The following LEP variants were observed in gnomAD, a reference collection of about 807,000 sequenced individuals.
LEP encodes the protein leptin.
LEP carries 6 observed loss-of-function variants against 9.8 expected under a neutral mutation model. The ratio of observed to expected loss-of-function variants is 0.61; its 90% CI spans 0.34 to 1.21. The LOEUF is 1.21. LEP is among the 50% of genes most tolerant of loss of function. The probability of loss-of-function intolerance (pLI) is 0.04; values close to 1 mark genes in which losing one functional copy is unlikely to be tolerated. For synonymous variants in LEP, 112 were observed against 81.7 expected, an observed-to-expected ratio of 1.37 and a Z score of -2.00; for missense variants, 134 against 198.1, an observed-to-expected ratio of 0.68 and a Z score of 1.94.
chr7:128,250,533 G>C (rs1795261716), intron 1 of LEP, among the ~76,000 whole-genome samples: 1 of 152,022 alleles, frequency 6.6e-6, no homozygotes, highest in African/African-American at 2.4e-5. Flanking sequence ...ACTCTGTCAT[G>C]GACCTGTTTG....
chr7:128,254,820 C>T lies in LEP; in HGVS notation c.*57C>T, dbSNP rs1795318328. The T allele has an allele frequency of 2.1e-5, 33 of 1,577,344 alleles. No individual in the cohort carries two copies. Among genetic ancestry groups the T allele is most frequent in the Non-Finnish European group, 2.8e-5 (33 of 1,163,174 alleles). The stretch of plus-strand genomic sequence containing the variant: ...ACGTTAAGGGAAGGAACTCTGGCTT[C>T]CAGGTATCTCCAGGATTGAAGAGCA... On this transcript the variant is annotated 3_prime_UTR_variant, in exon 3 of 3. Coordinates refer to ENST00000308868, the MANE Select transcript of LEP (RefSeq NM_000230.3).
At chr7:128,244,788 G>C (rs1238411626) in intron 1 of LEP, among the ~76,000 whole-genome samples, 4 of 152,180 alleles carry the variant, frequency 2.6e-5, no homozygotes, top group East Asian at 1.9e-4. Context: ...TCTCTCAGCT[G>C]TTCCATGCAT....
chr7:128,244,883 A>G (rs974352311), intron 1 of LEP, among the ~76,000 whole-genome samples: 1 of 152,134 alleles, frequency 6.6e-6, no homozygotes, highest in Non-Finnish European at 1.5e-5. Context: ...CTAAATTCCT[A>G]AGAGAGAAGT....
At chr7:128,241,797 G>A (rs578230598) in intron 1 of LEP, among the ~76,000 whole-genome samples, 2 of 152,340 alleles carry the variant, frequency 1.3e-5, no homozygotes, top group South Asian at 4.1e-4. Flanking sequence ...GAATGAGAGG[G>A]GCTGTGTAAG....
At chr7:128,242,851 G>A (rs1795167713) in intron 1 of LEP, among the ~76,000 whole-genome samples, 1 of 152,178 alleles carries the variant, frequency 6.6e-6, no homozygotes, top group Non-Finnish European at 1.5e-5. Context: ...CGGAACCTGG[G>A]TCAATGTCCC....
At chr7:128,242,996 G>C (rs112734810) in intron 1 of LEP, among the ~76,000 whole-genome samples, 1 of 152,202 alleles carries the variant, frequency 6.6e-6, no homozygotes, top group African/African-American at 2.4e-5. Flanking sequence ...CAAATTTTCC[G>C]GCAGTCAGTT....
intron 1 of LEP, among the ~76,000 whole-genome samples, chr7:128,247,611 C>A (rs1332659633): frequency 1.3e-5 from 2 of 152,186 alleles, no homozygotes; most frequent in Non-Finnish European, 2.9e-5. Flanking sequence ...CTCTCCTCCA[C>A]CTTCACAAAC....
intron 1 of LEP, among the ~76,000 whole-genome samples, chr7:128,242,550 A>G (rs1016747733): frequency 6.6e-6 from 1 of 152,190 alleles, no homozygotes; most frequent in African/African-American, 2.4e-5. Context: ...GCAAGAGAGA[A>G]ACAGTGGATG....
At chr7:128,253,712 A>G (rs551708702) in intron 2 of LEP, among the ~76,000 whole-genome samples, 2 of 152,342 alleles carry the variant, frequency 1.3e-5, no homozygotes, top group African/African-American at 4.8e-5. Flanking sequence ...GGCATTTTAT[A>G]GATAAAAACT....
At chr7:128,251,874 C>G in intron 1 of LEP, 117 bp from the exon 2 acceptor site, 1 of 816,632 alleles carries the variant, frequency 1.2e-6, no homozygotes, top group South Asian at 1.4e-5. Context: ...GGGATGGTAG[C>G]CAGAGCAGAA....
chr7:128,244,840 A>G (rs1372594592), intron 1 of LEP, among the ~76,000 whole-genome samples: 3 of 152,176 alleles, frequency 2.0e-5, no homozygotes, highest in Admixed American at 6.5e-5. Context: ...TGAGCCCTCA[A>G]CAGAGATGAA....
At chr7:128,246,905 A>G (rs1795217992) in intron 1 of LEP, among the ~76,000 whole-genome samples, 1 of 152,140 alleles carries the variant, frequency 6.6e-6, no homozygotes, top group Non-Finnish European at 1.5e-5. Context: ...TGGAGAGGGC[A>G]GCCCAGGGAG....
chr7:128,244,184 G>A lies in LEP; in HGVS notation c.-29+2878G>A, dbSNP rs11978419. Among the ~76,000 whole-genome samples the A allele has an allele frequency of 5.9e-3, 897 of 151,986 alleles. 8 individuals carry two copies. The highest frequency in any genetic ancestry group is 0.02 in the African/African-American group (844 of 41,408). On this transcript the variant is annotated intron_variant, in intron 1 of 2. Coordinates refer to ENST00000308868, the MANE Select transcript of LEP (RefSeq NM_000230.3). ...GAGAATTGCTTGAGCCCGGGAAGTC[G>A]GGGGTCCAGTGAGCCTTGATCACAC...
chr7:128,250,219 T>C (rs576230987), intron 1 of LEP, among the ~76,000 whole-genome samples: 1 of 152,316 alleles, frequency 6.6e-6, no homozygotes, highest in East Asian at 1.9e-4. Flanking sequence ...TATTTAACTC[T>C]GTTGCACAAA....
chr7:128,254,248 G>A (rs557400748), intron 2 of LEP, among the ~76,000 whole-genome samples, 156 bp from the exon 3 acceptor site: 15 of 152,184 alleles, frequency 9.9e-5, no homozygotes, highest in Admixed American at 9.8e-4. Flanking sequence ...GCAGTCACCT[G>A]GGTGCAGGAT....
intron 1 of LEP, among the ~76,000 whole-genome samples, chr7:128,245,746 G>T (rs574355293): frequency 1.3e-5 from 2 of 152,260 alleles, no homozygotes; most frequent in South Asian, 4.1e-4. Flanking sequence ...CTTGGCTCAG[G>T]AGGCCCTCCA....
At chr7:128,251,089 C>T (rs552396011) in intron 1 of LEP, among the ~76,000 whole-genome samples, 1 of 152,316 alleles carries the variant, frequency 6.6e-6, no homozygotes, top group East Asian at 1.9e-4. Flanking sequence ...CCACTTTCTA[C>T]TCTTAGTAGC....
At position 128,254,834 on chromosome 7, in the gene LEP, G is replaced by T; in HGVS notation, c.*71G>T. On this transcript the variant is annotated 3_prime_UTR_variant, in exon 3 of 3. Transcript: ENST00000308868. ...AACTCTGGCTTCCAGGTATCTCCAG[G>T]ATTGAAGAGCATTGCATGGACACCC... 1 of 1,548,838 alleles carries T rather than the reference G, an allele frequency of 6.5e-7. No individual in the cohort carries two copies. Among genetic ancestry groups the T allele is most frequent in the Non-Finnish European group, 8.8e-7 (1 of 1,138,586 alleles).
intron 1 of LEP, among the ~76,000 whole-genome samples, chr7:128,249,877 C>A (rs1054816504): frequency 6.6e-6 from 1 of 152,172 alleles, no homozygotes; most frequent in Non-Finnish European, 1.5e-5. Context: ...CCTTACTCAG[C>A]GGCAGCTTCT....
Sources: allele counts gnomAD v4.1 joint callset (sites outside exome capture counted in the v4.1 genomes callset), GRCh38; gene constraint gnomAD v4.1.1; transcripts MANE v1.5; gene names NCBI Gene and HGNC (gene_info 2026-07-23, HGNC 2026-07-21).